The following ACSM3 variants were observed in gnomAD, a reference collection of about 807,000 sequenced individuals.
ACSM3 encodes acyl-coenzyme A synthetase ACSM3, mitochondrial.
Under a neutral mutation model 74.1 loss-of-function variants are expected in ACSM3, and 61 were observed. The observed-to-expected ratio is 0.82, with a 90% CI of 0.67 to 1.02. The LOEUF is 1.02. ACSM3 is among the 50% of genes least tolerant of loss of function. ACSM3 has a pLI of 0.00. For synonymous variants in ACSM3, 213 were observed against 241.5 expected (o/e 0.88, Z 1.09); for missense variants, 660 against 697.0 (o/e 0.95, Z 0.60).
At chr16:20,712,117 G>A (rs183415006) in intron 1 of ACSM3, among the ~76,000 whole-genome samples, 35 of 152,056 alleles carry the variant, frequency 2.3e-4, no homozygotes, top group Admixed American at 1.4e-3. Context: ...CCCCAGCCTC[G>A]CAAGTAGCTG....
intron 1 of ACSM3, chr16:20,680,619 T>C (rs796100144): frequency 6.6e-6 from 1 of 152,176 alleles, no homozygotes; most frequent in Admixed American, 6.5e-5. Flanking sequence ...GTATCGCCCG[T>C]TGGGGAAAGG....
intron 13 of ACSM3, 77 bp from the exon 14 acceptor site, chr16:20,796,809 A>G: frequency 3.2e-6 from 5 of 1,585,356 alleles, no homozygotes; most frequent in Non-Finnish European, 4.3e-6. Flanking sequence ...TAGAATTCAT[A>G]ATCAAACTGC....
Position 20,780,395 on chromosome 16 carries a change from C to T in ACSM3, c.639-319C>T. On this transcript the variant is annotated intron_variant, in intron 4 of 13. Transcript: ENST00000289416. ...TTCCTTATCCATGATTGCAAGATCA[C>T]ACAGACTCCTTACTCTGCTGGAGGT... The T allele has an allele frequency of 1.2e-5, 6 of 491,832 alleles. No homozygotes were observed. The South Asian group carries it at 1.5e-4, about 12-fold the overall frequency. 30.5% of individuals were successfully genotyped at this position (491,832 alleles called of 1,614,324 possible). A position where few individuals can be genotyped will look rare whatever the true frequency, so the allele number is the denominator to read the frequency against.
intron 1 of ACSM3, among the ~76,000 whole-genome samples, chr16:20,697,039 C>G (rs563284180): frequency 4.6e-5 from 7 of 152,124 alleles, no homozygotes; most frequent in Non-Finnish European, 8.8e-5. Flanking sequence ...TGTTGAGGTA[C>G]CTTTTAACTC....
At chr16:20,707,600 G>A (rs2079731610) in intron 1 of ACSM3, among the ~76,000 whole-genome samples, 1 of 152,184 alleles carries the variant, frequency 6.6e-6, no homozygotes, top group African/African-American at 2.4e-5. Flanking sequence ...GCCCCTGATA[G>A]TAGGCTCACC....
At chr16:20,674,900 C>T (rs1428092375) in intron 1 of ACSM3, 4 of 152,244 alleles carry the variant, frequency 2.6e-5, no homozygotes, top group Non-Finnish European at 2.9e-5. Flanking sequence ...CAGGGACCAA[C>T]CACTCATCCA....
intron 4 of ACSM3, among the ~76,000 whole-genome samples, chr16:20,778,174 A>G (rs772559722): frequency 6.6e-6 from 1 of 152,242 alleles, no homozygotes; most frequent in Non-Finnish European, 1.5e-5. Flanking sequence ...TCAGGTTAAA[A>G]GAAAAAATGC....
At chr16:20,696,798 G>A (rs934418671) in intron 1 of ACSM3, among the ~76,000 whole-genome samples, 3 of 152,212 alleles carry the variant, frequency 2.0e-5, no homozygotes, top group Non-Finnish European at 4.4e-5. Flanking sequence ...ACTTGGGACT[G>A]ATAAAGCTAT....
intron 2 of ACSM3, among the ~76,000 whole-genome samples, chr16:20,753,768 C>T (rs1047175344): frequency 1.3e-5 from 2 of 151,586 alleles, no homozygotes; most frequent in Admixed American, 6.6e-5. Context: ...ACAAATGGCC[C>T]AAGAAATTTT....
chr16:20,789,508 C>G, intron 9 of ACSM3: 6 of 1,613,756 alleles, frequency 3.7e-6, no homozygotes, highest in Non-Finnish European at 5.1e-6. Context: ...TTCCCCTTTT[C>G]CTGTTTACTC....
chr16:20,718,538 CTG>C, intron 1 of ACSM3: 1 of 270,246 alleles, frequency 3.7e-6, no homozygotes, highest in South Asian at 1.5e-4. Flanking sequence ...CCCCAAAGAG[CTG>C]CCAATATGTG....
chr16:20,782,644 A>C (rs529478839), intron 7 of ACSM3, among the ~76,000 whole-genome samples: 1 of 152,172 alleles, frequency 6.6e-6, no homozygotes, highest in Non-Finnish European at 1.5e-5. Flanking sequence ...TTAATGACTC[A>C]GTCCCACAAG....
At chr16:20,711,839 G>A (rs34442311) in intron 1 of ACSM3, among the ~76,000 whole-genome samples, 64,854 of 152,038 alleles carry the variant, frequency 0.43, 16,374 homozygotes, top group Non-Finnish European at 0.58. Context: ...AGGGCATAAG[G>A]AAGGGATGTA....
rs765139611 is a variant in ACSM3, at chr16:20,792,074, A to C, written c.1399A>C (p.Lys467Gln). The part of the protein sequence containing the change: ...YITGDRGYMD[K>Q]DGYFWFVARA... The stretch of plus-strand genomic sequence containing the variant: ...CACTGGGGACAGAGGATATATGGAT[A>C]AAGATGGGTATTTCTGGTTTGTTGC... Residue 467 changes from lysine to glutamine, a missense_variant, in exon 11 of 14, where the codon AAA (lysine) becomes CAA (glutamine). Coordinates refer to ENST00000289416, the MANE Select transcript of ACSM3 (RefSeq NM_005622.4). The C allele has an allele frequency of 9.9e-6, 16 of 1,614,068 alleles. No homozygotes were observed. The highest frequency in any genetic ancestry group is 1.3e-5 in the Non-Finnish European group (15 of 1,180,002).
intron 1 of ACSM3, among the ~76,000 whole-genome samples, chr16:20,769,268 A>G (rs1477058542): frequency 6.6e-6 from 1 of 152,246 alleles, no homozygotes; most frequent in East Asian, 1.9e-4. Flanking sequence ...CAAGTAAATG[A>G]CATTGTGATC....
At chr16:20,714,870 A>G (rs1390396697) in intron 1 of ACSM3, among the ~76,000 whole-genome samples, 1 of 152,232 alleles carries the variant, frequency 6.6e-6, no homozygotes, top group African/African-American at 2.4e-5. Flanking sequence ...GAAAACCTGG[A>G]AAGACATAAC....
chr16:20,694,503 G>T (rs917309475), intron 1 of ACSM3, among the ~76,000 whole-genome samples: 7 of 152,106 alleles, frequency 4.6e-5, no homozygotes, highest in Admixed American at 1.3e-4. Flanking sequence ...CCTTCCACAG[G>T]CATGAGCTTA....
intron 1 of ACSM3, among the ~76,000 whole-genome samples, chr16:20,701,125 T>G (rs2079711649): frequency 1.3e-5 from 2 of 152,130 alleles, no homozygotes; most frequent in Admixed American, 1.3e-4. Flanking sequence ...ATAATTTATA[T>G]ATAAAAAATG....
intron 1 of ACSM3, among the ~76,000 whole-genome samples, chr16:20,765,539 A>G (rs891031022): frequency 6.6e-6 from 1 of 152,222 alleles, no homozygotes; most frequent in Admixed American, 6.5e-5. Flanking sequence ...CAGAATCAGC[A>G]AGCTAAGTAT....
Sources: allele counts gnomAD v4.1 joint callset (sites outside exome capture counted in the v4.1 genomes callset), GRCh38; gene constraint gnomAD v4.1.1; transcripts MANE v1.5; gene names NCBI Gene and HGNC (gene_info 2026-07-23, HGNC 2026-07-21).